Variants in MAD1L1 observed in about 807,000 individuals in gnomAD.
The protein encoded by MAD1L1 is mitotic spindle assembly checkpoint protein MAD1.
MAD1L1 carries 95 observed loss-of-function variants against 96.9 expected under a neutral mutation model. The ratio of observed to expected loss-of-function variants is 0.98; its 90% confidence interval spans 0.83 to 1.16. MAD1L1 has a LOEUF of 1.16. Among genes scored for constraint, MAD1L1 ranks in the 50% most tolerant of loss-of-function variants. MAD1L1 has a pLI of 0.00. For synonymous variants in MAD1L1, 473 were observed against 396.6 expected, an observed-to-expected ratio of 1.19 and a Z score of -2.29; for missense variants, 1,007 against 954.4, an observed-to-expected ratio of 1.06 and a Z score of -0.73.
At chr7:1,978,594 T>G (rs1269389973) in intron 15 of MAD1L1, among the ~76,000 whole-genome samples, 2 of 152,002 alleles carry the variant, frequency 1.3e-5, no homozygotes, top group South Asian at 4.2e-4. Context: ...ACCTGCCCGG[T>G]CTCCAGCTTC....
intron 18 of MAD1L1, among the ~76,000 whole-genome samples, chr7:1,869,138 G>A (rs930293110): frequency 2.6e-5 from 4 of 152,090 alleles, no homozygotes; most frequent in Non-Finnish European, 5.9e-5. Flanking sequence ...AGGCACCATC[G>A]CCCGCCCCCA....
At chr7:2,225,355 A>G in intron 4 of MAD1L1, 55 bp downstream of exon 4, 1 of 1,603,036 alleles carries the variant, frequency 6.2e-7, no homozygotes. Flanking sequence ...TACCGTGCAC[A>G]GCCCCCTTGC....
rs543114303 is a variant in MAD1L1, at chr7:1,936,586, G to C, written c.1807+101C>G. Reference sequence around the variant, plus strand: ...CCACAGGGGAGGACAAACCCTCTGGGGATGACAGGCAGGGGCGCCTGAGGC... The same window carrying C: ...CCACAGGGGAGGACAAACCCTCTGGCGATGACAGGCAGGGGCGCCTGAGGC... On this transcript the variant is annotated intron_variant, in intron 17 of 18. Transcript: ENST00000265854. The C allele has an allele frequency of 5.7e-6, 7 of 1,234,908 alleles. No individual in the cohort carries two copies. The African/African-American group carries it at 1.0e-4, about 18-fold the overall frequency. 76.5% of individuals were successfully genotyped at this position (1,234,908 alleles called of 1,614,324 possible).
intron 12 of MAD1L1, among the ~76,000 whole-genome samples, chr7:2,033,790 C>A (rs148900997): frequency 6.6e-6 from 1 of 152,202 alleles, no homozygotes; most frequent in Non-Finnish European, 1.5e-5. Context: ...GGTGTTCACA[C>A]CCTTCCACTC....
intron 11 of MAD1L1, among the ~76,000 whole-genome samples, chr7:2,095,944 A>C (rs1043730977): frequency 1.3e-5 from 2 of 152,252 alleles, no homozygotes; most frequent in Non-Finnish European, 2.9e-5. Context: ...TGAAGGAAGG[A>C]GAGCGCGGGT....
At chr7:2,223,090 T>C (rs1387316916) in intron 4 of MAD1L1, among the ~76,000 whole-genome samples, 1 of 152,192 alleles carries the variant, frequency 6.6e-6, no homozygotes. Flanking sequence ...AGCATTGACC[T>C]TGGGGAGAAG....
At position 2,014,565 on chromosome 7, in the gene MAD1L1, C is replaced by T. The variant is rs748418757; in HGVS notation, c.1296G>A (p.Thr432=). The change falls in exon 13 of 19, where the codon ACG becomes ACA. Residue 432 remains threonine (T), a synonymous_variant. Transcript: ENST00000265854. Reference sequence around the variant, plus strand: ...TATCCTCAGCCTCCCGCATGCGCCGCGTCAGCTGGGGTGAGTACTCGGCCG... The same window carrying T: ...TATCCTCAGCCTCCCGCATGCGCCGTGTCAGCTGGGGTGAGTACTCGGCCG... ...LTPAEYSPQL[T]RRMREAEDMV... The T allele has an allele frequency of 2.0e-5, 33 of 1,611,764 alleles. No homozygotes were observed. The East Asian group carries it at 2.9e-4, about 14-fold the overall frequency.
At chr7:1,959,235 C>T (rs887610165) in intron 15 of MAD1L1, among the ~76,000 whole-genome samples, 1 of 152,074 alleles carries the variant, frequency 6.6e-6, no homozygotes, top group Non-Finnish European at 1.5e-5. Flanking sequence ...ACTGACAGAG[C>T]GAGGCCCTGT....
chr7:1,891,103 C>A (rs893036619), intron 18 of MAD1L1, among the ~76,000 whole-genome samples: 1 of 152,118 alleles, frequency 6.6e-6, no homozygotes, highest in African/African-American at 2.4e-5. Context: ...TGCACAGAAG[C>A]GACACCCCGG....
chr7:1,880,441 G>C (rs893143061), intron 18 of MAD1L1, among the ~76,000 whole-genome samples: 2 of 152,174 alleles, frequency 1.3e-5, no homozygotes, highest in Non-Finnish European at 2.9e-5. Flanking sequence ...TGGAGCCTCA[G>C]AAGGAAGGGA....
chr7:2,108,625 T>C (rs1343913614), intron 11 of MAD1L1, among the ~76,000 whole-genome samples: 5 of 152,226 alleles, frequency 3.3e-5, no homozygotes, highest in Admixed American at 6.5e-5. Flanking sequence ...GAACAAAGCC[T>C]TCCTCTGTAA....
intron 11 of MAD1L1, among the ~76,000 whole-genome samples, chr7:2,145,267 C>T (rs3779003): frequency 0.29 from 43,558 of 152,190 alleles, 7,550 homozygotes; most frequent in East Asian, 0.52. Context: ...ACAGGAATTC[C>T]AGTGCAGCAC....
chr7:1,996,854 A>T (rs1363635240), intron 14 of MAD1L1, among the ~76,000 whole-genome samples: 2 of 85,228 alleles, frequency 2.3e-5, no homozygotes, highest in Non-Finnish European at 5.8e-5. Context: ...ATAAAATATT[A>T]GAGGATATTT....
At chr7:2,089,567 C>T (rs1786100704) in intron 11 of MAD1L1, among the ~76,000 whole-genome samples, 1 of 152,172 alleles carries the variant, frequency 6.6e-6, no homozygotes, top group South Asian at 2.1e-4. Flanking sequence ...ACAGGGAAAG[C>T]AACCAAGCCC....
chr7:2,088,044 A>G lies in MAD1L1; in HGVS notation c.1074-18706T>C, dbSNP rs1312267048. Among the ~76,000 whole-genome samples, 1 of 152,164 alleles carries G rather than the reference A, an allele frequency of 6.6e-6. No individual in the cohort carries two copies. The highest frequency in any genetic ancestry group is 1.9e-4 in the East Asian group (1 of 5,190). On this transcript the variant is annotated intron_variant, in intron 11 of 18. Coordinates refer to ENST00000265854, the MANE Select transcript of MAD1L1 (RefSeq NM_001013836.2). The surrounding 1 kb of genome is among the most constrained non-coding windows in gnomAD (Gnocchi z 4.4). ...CCAGCAGATCGAGGCTTGAGGCTCT[A>G]GGAGAGTTAGAGAAGAAGAAGACTG...
intron 16 of MAD1L1, among the ~76,000 whole-genome samples, chr7:1,947,075 TGA>T (rs1054969524): frequency 1.3e-5 from 2 of 152,116 alleles, no homozygotes; most frequent in African/African-American, 4.8e-5. Context: ...GTGAGTGTGG[TGA>T]GTTTCACCTT....
At chr7:2,192,806 C>T (rs1364824412) in intron 10 of MAD1L1, among the ~76,000 whole-genome samples, 2 of 152,098 alleles carry the variant, frequency 1.3e-5, no homozygotes, top group African/African-American at 4.8e-5. Context: ...ATATGCAAAT[C>T]CATCTGTAAT....
intron 17 of MAD1L1, among the ~76,000 whole-genome samples, chr7:1,922,185 C>T (rs537503087): frequency 1.3e-5 from 2 of 152,352 alleles, no homozygotes; most frequent in South Asian, 2.1e-4. Context: ...AGCCCAGCGG[C>T]GAGCGCCCTG....
At chr7:1,980,356 G>A (rs746344325) in intron 15 of MAD1L1, 97 bp downstream of exon 15, 35 of 1,001,288 alleles carry the variant, frequency 3.5e-5, no homozygotes, top group Non-Finnish European at 4.8e-5. Flanking sequence ...ACACCTGGGC[G>A]TATCTGCCTC....
Sources: gnomAD v4.1 joint callset for allele counts (sites outside exome capture counted in the v4.1 genomes callset) on GRCh38, gnomAD v4.1.1 for gene constraint, Gnocchi (gnomAD v3.1) non-coding constraint, MANE v1.5 for transcripts, NCBI Gene and HGNC (gene_info 2026-07-23, HGNC 2026-07-21) for gene names.